MUC5B: variants seen among roughly 807,000 people sequenced by gnomAD.
MUC5B encodes the protein mucin 5B, oligomeric mucus/gel-forming.
In MUC5B, 116 loss-of-function variants were observed where a neutral mutation model predicts 376.9. That is an observed-to-expected ratio of 0.31 (90% CI 0.26 to 0.36). The LOEUF is 0.36. MUC5B is among the 10% of genes least tolerant of loss of function. The probability of loss-of-function intolerance (pLI) is 1.00; values close to 1 mark genes in which losing one functional copy is unlikely to be tolerated. For synonymous variants in MUC5B, 3,517 were observed against 3,390.9 expected (o/e 1.04, Z -1.29); for missense variants, 7,165 against 7,769.9 (o/e 0.92, Z 2.93).
rs1862861514 is a variant in MUC5B, at chr11:1,257,209, C to T, written c.16238-31C>T. The T allele has an allele frequency of 1.3e-6, 1 of 779,666 alleles. No individual in the cohort carries two copies. The allele number at this position is 779,666 out of a possible 1,614,324, so 48.3% of individuals were successfully genotyped here. ...GCCCCTCCGCCTGCAAACTCAGCAC[C>T]CTCCGTGATGCCATGCTGTTTTCTT... On this transcript the variant is annotated intron_variant, in intron 39 of 48. Coordinates refer to ENST00000529681, the MANE Select transcript of MUC5B (RefSeq NM_002458.3). The surrounding 1 kb of genome is among the most constrained non-coding windows in gnomAD (Gnocchi z 8.9).
At chr11:1,239,351 GC>G in intron 26 of MUC5B, 86 bp from the exon 27 acceptor site, 1 of 1,497,376 alleles carries the variant, frequency 6.7e-7, no homozygotes. Context: ...GGGGACACCG[GC>G]CCCCACGCCC....
At chr11:1,230,225 G>A (rs925745691) in intron 11 of MUC5B, 82 bp downstream of exon 11, 77 of 1,496,780 alleles carry the variant, frequency 5.1e-5, no homozygotes, top group Non-Finnish European at 6.5e-5. Context: ...AGGCCCCCAC[G>A]ATGGTCATAG....
In MUC5B at chr11:1,252,992, G is replaced by A. The variant is rs368295183; in HGVS notation, c.15217+12G>A. 21 of 1,612,304 alleles carry A rather than the reference G, an allele frequency of 1.3e-5. No individual in the cohort carries two copies. The highest frequency in any genetic ancestry group is 1.1e-4 in the South Asian group (10 of 91,072). ...CTATGAGTGCGAGTGTGAGTGCGTC[G>A]GTGGCCGCGGGATTACCCCGGGGGC... On this transcript the variant is annotated intron_variant, in intron 33 of 48. Transcript: ENST00000529681.
At chr11:1,256,463 GCCCCACCCATCCCCGCCCATACTTA>G (rs2133851549) in intron 38 of MUC5B, 183 bp from the exon 39 acceptor site, 1 of 505,890 alleles carries the variant, frequency 2.0e-6, no homozygotes, top group Non-Finnish European at 3.5e-6. Flanking sequence ...CCGCCACCGA[GCCCCACCCATCCCCGCCCATACTTA>G]GCCCCGCCCA....
At chr11:1,225,859 C>A (rs55699425) in intron 2 of MUC5B, 122 bp downstream of exon 2, 2 of 959,910 alleles carry the variant, frequency 2.1e-6, no homozygotes, top group Admixed American at 2.3e-5. Context: ...TCCCTGGGTC[C>A]CCTGCCCAGG....
At chr11:1,235,963 C>T (rs1862147447) in intron 23 of MUC5B, among the ~76,000 whole-genome samples, 1 of 152,228 alleles carries the variant, frequency 6.6e-6, no homozygotes, top group Admixed American at 6.5e-5. Flanking sequence ...CACCTAGAGA[C>T]ACCCACTCCA....
At chr11:1,255,332 C>A in intron 36 of MUC5B, 51 bp from the exon 37 acceptor site, 1 of 1,377,442 alleles carries the variant, frequency 7.3e-7, no homozygotes, top group East Asian at 2.4e-5. Flanking sequence ...CACGCACGCA[C>A]GCAGCTCCCT....
rs573901463 is a variant in MUC5B, at chr11:1,244,164, C to A, written c.7284C>A (p.Ser2428=). The A allele has an allele frequency of 1.0e-4, 164 of 1,612,974 alleles. 6 individuals are homozygous for A. The South Asian group carries it at 1.2e-3, about 12-fold the overall frequency. Residue 2428 remains serine (S), a synonymous_variant, in exon 31 of 49, where the codon TCC becomes TCA. Transcript: ENST00000529681. The stretch of plus-strand genomic sequence containing the variant: ...CCAGCTCTACGGCCATGCCCTCCTC[C>A]ACTCCGGGGACGACCTGGATCCTCA... ...PATSSTAMPS[S]TPGTTWILTE...
rs374099793 is a variant in MUC5B, at chr11:1,245,234, C to A, written c.8354C>A (p.Thr2785Lys). Residue 2785 changes from threonine (T) to lysine (K), a missense_variant, in exon 31 of 49, where the codon ACA becomes AAA. Transcript: ENST00000529681. ...TSGTLGTTHI[T>K]EPSTGTSHTP... ...GGCACCTTGGGCACCACCCACATCA[C>A]AGAGCCTTCCACGGGGACTTCCCAC... 4.1e-4 allele frequency: 651 copies of A among 1,598,240 alleles called. 15 individuals are homozygous for A. In the African/African-American group the frequency reaches 8.0e-3, roughly 20 times the overall value.
rs1316905184 is a variant in MUC5B at position 1,230,127 on chromosome 11, G to A, written c.1343G>A (p.Ser448Asn). ...EKLYDLHGDC[S>N]YVLSKKCADS... ...CTCTACGACCTGCATGGTGACTGCA[G>A]CTACGTTCTGTCCAAGGTCTGGGCT... is the stretch of plus-strand genomic sequence containing the variant. The change falls in exon 11 of 49, where the codon AGC (serine) becomes AAC (asparagine). Residue 448 changes from serine to asparagine, a missense_variant. This residue lies in a region of MUC5B where 640 missense variants were observed against 733.0 expected (regional missense o/e 0.87). Coordinates refer to ENST00000529681, the MANE Select transcript of MUC5B (RefSeq NM_002458.3). 1.2e-6 allele frequency: 2 copies of A among 1,608,694 alleles called. No individual in the cohort carries two copies. Among genetic ancestry groups the A allele is most frequent in the Non-Finnish European group, 8.5e-7 (1 of 1,177,720 alleles).
Position 1,254,691 on chromosome 11 carries a change from C to T in MUC5B, c.15478-3C>T, listed in dbSNP as rs768551851. 4.3e-6 allele frequency: 7 copies of T among 1,611,676 alleles called. No homozygotes were observed. In the African/African-American group the frequency reaches 9.3e-5, roughly 22 times the overall value. ...AGCTCAGGGTTCCCCTGGATTCCCCCAGATCCTGTTTGACCAAATTCCGGT... is the reference window on the plus strand; with the variant it reads ...AGCTCAGGGTTCCCCTGGATTCCCCTAGATCCTGTTTGACCAAATTCCGGT... On this transcript the variant is annotated splice_polypyrimidine_tract_variant and splice_region_variant and intron_variant, in intron 34 of 48. Coordinates refer to ENST00000529681, the MANE Select transcript of MUC5B (RefSeq NM_002458.3).
rs201855717 is a variant in MUC5B at position 1,248,630 on chromosome 11, C to G, written c.11750C>G (p.Thr3917Arg). 0.013 allele frequency: 19,677 copies of G among 1,561,694 alleles called. 5 individuals are homozygous for G. Among genetic ancestry groups the G allele is most frequent in the African/African-American group, 0.015 (1,092 of 74,448 alleles). Residue 3917 changes from threonine to arginine, a missense_variant, in exon 31 of 49, where the codon ACA becomes AGA. By Grantham distance (71) the Thr-to-Arg change is moderately conservative. Transcript: ENST00000529681. ...SSVPGTTHTP[T>R]VLTTTTTTVA... is the part of the protein sequence containing the mutation. ...GTCCCGGGGACCACCCACACCCCCACAGTGCTGACCACCACCACCACAACT... is the reference window on the plus strand; with the variant it reads ...GTCCCGGGGACCACCCACACCCCCAGAGTGCTGACCACCACCACCACAACT...
Position 1,232,549 on chromosome 11 carries a change from G to A in MUC5B, c.1938+5G>A, listed in dbSNP as rs1332557238. ...AACCCCAAGCCCTTCCACTCGGTGA[G>A]AGGCTGAGGCCAGACCCCCACGCCT... is the stretch of plus-strand genomic sequence containing the variant. On this transcript the variant is annotated splice_donor_5th_base_variant and intron_variant, in intron 16 of 48. Coordinates refer to ENST00000529681, the MANE Select transcript of MUC5B (RefSeq NM_002458.3). 1 of 1,609,052 alleles carries A rather than the reference G, an allele frequency of 6.2e-7. No homozygotes were observed. The highest frequency in any genetic ancestry group is 8.5e-7 in the Non-Finnish European group (1 of 1,178,346).
chr11:1,240,863 C>T lies in MUC5B; in HGVS notation c.3983C>T (p.Pro1328Leu), dbSNP rs776181948. Reference sequence around the variant, plus strand: ...ATGCCCCTTGCAGGCCCGGCCCTCCCGGTCTCCACCGTGTGTGTCCGCGAG... The same window carrying T: ...ATGCCCCTTGCAGGCCCGGCCCTCCTGGTCTCCACCGTGTGTGTCCGCGAG... ...VPHSTTSPAL[P>L]VSTVCVREVC... Residue 1328 changes from proline (P) to leucine (L), a missense_variant, in exon 31 of 49, where the codon CCG becomes CTG. Transcript: ENST00000529681. 240 of 1,608,912 alleles carry T rather than the reference C, an allele frequency of 1.5e-4. No individual in the cohort carries two copies. Among genetic ancestry groups the T allele is most frequent in the Non-Finnish European group, 1.9e-4 (220 of 1,178,360 alleles).
Position 1,236,556 on chromosome 11 carries a change from C to T in MUC5B, c.3051C>T (p.Asp1017=). Residue 1017 remains aspartate, a synonymous_variant, in exon 24 of 49, where the codon GAC becomes GAT. Transcript: ENST00000529681. ...KTSVFIRLHQ[D]YKGRVCGLCG... is the part of the protein sequence containing the mutation. ...GCGTGTTCATCCGACTGCACCAGGACTACAAGGTGAGCTCGGGCCGTGCAC... is the reference window on the plus strand; with the variant it reads ...GCGTGTTCATCCGACTGCACCAGGATTACAAGGTGAGCTCGGGCCGTGCAC... The T allele has an allele frequency of 6.2e-7, 1 of 1,612,478 alleles. No homozygotes were observed. The highest frequency in any genetic ancestry group is 8.5e-7 in the Non-Finnish European group (1 of 1,179,638).
rs774649140 is a variant in MUC5B at position 1,230,993 on chromosome 11, C to A, written c.1528C>A (p.Pro510Thr). ...VFLNSIYTQLPLSAANITLFT... is the reference protein window; with the variant it reads ...VFLNSIYTQLTLSAANITLFT... ...CCTCAACTCCATCTACACGCAGCTG[C>A]CCCTGTCGGCAGGTATGTGGCTCTC... The change falls in exon 13 of 49, where the codon CCC becomes ACC. Residue 510 changes from proline to threonine, a missense_variant. Pro to Thr is a conservative substitution (Grantham distance 38, BLOSUM62 -1). Coordinates refer to ENST00000529681, the MANE Select transcript of MUC5B (RefSeq NM_002458.3). 8 of 1,594,942 alleles carry A rather than the reference C, an allele frequency of 5.0e-6. No individual in the cohort carries two copies. The South Asian group carries it at 9.1e-5, about 18-fold the overall frequency.
In MUC5B at chr11:1,249,342, C is replaced by G. The variant is rs779469762; in HGVS notation, c.12462C>G (p.Thr4154=). 8.1e-6 allele frequency: 13 copies of G among 1,610,642 alleles called. No individual in the cohort carries two copies. Among genetic ancestry groups the G allele is most frequent in the Non-Finnish European group, 7.6e-6 (9 of 1,179,500 alleles). ...GGCCCTCTGGCGGGGACTTTGACACCTACTCCAACATCCGTGCGGCCGGAG... is the reference window on the plus strand; with the variant it reads ...GGCCCTCTGGCGGGGACTTTGACACGTACTCCAACATCCGTGCGGCCGGAG... ...MPGPSGGDFD[T]YSNIRAAGGA... The change falls in exon 31 of 49, where the codon ACC becomes ACG. Residue 4154 remains threonine (T), a synonymous_variant. Transcript: ENST00000529681.
rs891718087 is a variant in MUC5B at position 1,257,567 on chromosome 11, T to C, written c.16307T>C (p.Val5436Ala). 6.2e-7 allele frequency: 1 copy of C among 1,607,788 alleles called. No individual in the cohort carries two copies. The highest frequency in any genetic ancestry group is 1.3e-5 in the African/African-American group (1 of 74,906). Residue 5436 changes from valine (V) to alanine (A), a missense_variant, in exon 41 of 49, where the codon GTG (valine) becomes GCG (alanine). Transcript: ENST00000529681. This position sits in a 1 kb window ranked among gnomAD's most constrained non-coding sequence, Gnocchi z 8.9. Reference sequence around the variant, plus strand: ...TGGGTCAGCAACTGCCAGTCCTGCGTGTGTGACGAGGGTTCAGTGTCGGTG... The same window carrying C: ...TGGGTCAGCAACTGCCAGTCCTGCGCGTGTGACGAGGGTTCAGTGTCGGTG... Reference protein sequence around the residue: ...ERWVSNCQSCVCDEGSVSVQC... With the variant: ...ERWVSNCQSCACDEGSVSVQC...
Position 1,242,631 on chromosome 11 carries a change from T to G in MUC5B, c.5751T>G (p.Thr1917=). The change falls in exon 31 of 49, where the codon ACT becomes ACG. Residue 1917 remains threonine, a synonymous_variant. Transcript: ENST00000529681. ...LTKPTTTATT[T]ASTGSTATPT... ...AGCCGACCACAACAGCCACTACGAC[T>G]GCGTCCACTGGATCCACGGCCACCC... is the stretch of plus-strand genomic sequence containing the variant. The G allele has an allele frequency of 6.2e-7, 1 of 1,613,296 alleles. No individual in the cohort carries two copies. The highest frequency in any genetic ancestry group is 8.5e-7 in the Non-Finnish European group (1 of 1,179,664).
Sources: allele counts gnomAD v4.1 joint callset (sites outside exome capture counted in the v4.1 genomes callset), GRCh38; gene constraint gnomAD v4.1.1; regional missense constraint gnomAD v4.1.1; non-coding constraint Gnocchi (gnomAD v3.1); transcripts MANE v1.5; gene names NCBI Gene and HGNC (gene_info 2026-07-23, HGNC 2026-07-21).